The following ZP2 variants were observed in gnomAD, a reference collection of about 807,000 sequenced individuals.
ZP2 encodes the protein zona pellucida sperm-binding protein 2.
Under a neutral mutation model 84.0 loss-of-function variants are expected in ZP2, and 51 were observed. That is an observed-to-expected ratio of 0.61 (90% CI 0.49 to 0.77). ZP2 has a LOEUF of 0.77. Among genes scored for constraint, ZP2 ranks in the 30% least tolerant of loss-of-function variants. ZP2 has a pLI of 0.00. For synonymous variants in ZP2, 375 were observed against 330.9 expected (o/e 1.13, Z -1.45); for missense variants, 909 against 911.9 (o/e 1.00, Z 0.04).
chr16:21,198,743 T>C, intron 17 of ZP2, 36 bp downstream of exon 17: 1 of 1,594,220 alleles, frequency 6.3e-7, no homozygotes, highest in East Asian at 2.2e-5. Context: ...GCTAAGAACT[T>C]GAATCCAGGA....
At chr16:21,205,338 T>C (rs2093244456) in intron 7 of ZP2, 82 bp downstream of exon 7, 1 of 1,515,298 alleles carries the variant, frequency 6.6e-7, no homozygotes, top group Non-Finnish European at 9.0e-7. Flanking sequence ...TAAATTAATG[T>C]GAAGACATGG....
At chr16:21,203,792 A>G in intron 9 of ZP2, 1 of 568,858 alleles carries the variant, frequency 1.8e-6, no homozygotes, top group East Asian at 3.1e-5. Context: ...TTTAAGACTT[A>G]GAAAGACTTA....
At chr16:21,204,607 C>T (rs1036194849) in intron 7 of ZP2, among the ~76,000 whole-genome samples, 1 of 152,196 alleles carries the variant, frequency 6.6e-6, no homozygotes, top group South Asian at 2.1e-4. Flanking sequence ...AGAATGTTGT[C>T]TAGATCACCT....
intron 5 of ZP2, 65 bp downstream of exon 5, chr16:21,206,773 T>G: frequency 6.3e-7 from 1 of 1,599,016 alleles, no homozygotes; most frequent in Non-Finnish European, 8.6e-7. Context: ...CCGCCCTGGT[T>G]AGATCATCAT....
chr16:21,210,071 C>T (rs756580619), intron 3 of ZP2, 38 bp downstream of exon 3: 7 of 1,581,288 alleles, frequency 4.4e-6, no homozygotes, highest in Middle Eastern at 1.7e-4. Context: ...AGGCTGTCTG[C>T]TAATCAGGAC....
intron 17 of ZP2, 152 bp downstream of exon 17, chr16:21,198,627 T>C (rs1280099665): frequency 1.6e-6 from 1 of 630,780 alleles, no homozygotes; most frequent in Non-Finnish European, 2.7e-6. Context: ...ACAGGAGACT[T>C]AATAGAAGCC....
chr16:21,212,845 C>G (rs1370151937), upstream of ZP2, among the ~76,000 whole-genome samples: 2 of 152,140 alleles, frequency 1.3e-5, no homozygotes, highest in Admixed American at 1.3e-4. Flanking sequence ...TGTCAGGGAC[C>G]AGGTGGAGAA....
chr16:21,209,534 G>C, intron 4 of ZP2, 97 bp downstream of exon 4: 1 of 1,094,648 alleles, frequency 9.1e-7, no homozygotes, highest in Non-Finnish European at 1.4e-6. Flanking sequence ...GAGAGCCACT[G>C]CTTTACTCCA....
rs1467365971 is a variant in ZP2, at chr16:21,206,371, T to C, written c.483+467A>G. Among the ~76,000 whole-genome samples the C allele has an allele frequency of 2.0e-5, 3 of 152,248 alleles. No individual in the cohort carries two copies. In the East Asian group the frequency reaches 5.8e-4, roughly 29 times the overall value. On this transcript the variant is annotated intron_variant, in intron 5 of 18. Coordinates refer to ENST00000574091, the MANE Select transcript of ZP2 (RefSeq NM_001376232.1). ...AGGTACTATGTAAAAGCCATGCAGT[T>C]CTATCATTGTTATTGAGTTGCTTTT... is the stretch of plus-strand genomic sequence containing the variant.
intron 10 of ZP2, 56 bp from the exon 11 acceptor site, chr16:21,202,347 A>C: frequency 7.0e-7 from 1 of 1,426,952 alleles, no homozygotes; most frequent in Admixed American, 2.6e-5. Context: ...TGATACTGTC[A>C]TCTCCCAACC....
chr16:21,209,848 C>T (rs745614836), intron 3 of ZP2, 123 bp from the exon 4 acceptor site: 2 of 860,490 alleles, frequency 2.3e-6, no homozygotes, highest in East Asian at 2.5e-5. Flanking sequence ...TCCGCCCCAA[C>T]TCAGTGATAG....
In ZP2 at chr16:21,206,834, TCA is replaced by T. The variant is rs1433717141; in HGVS notation, c.483+2_483+3del. 2.5e-6 allele frequency: 4 copies of T among 1,613,982 alleles called. No homozygotes were observed. The highest frequency in any genetic ancestry group is 1.3e-5 in the African/African-American group (1 of 74,910). On this transcript the variant is annotated splice_donor_variant and splice_donor_region_variant and intron_variant, in intron 5 of 18. Coordinates refer to ENST00000574091, the MANE Select transcript of ZP2 (RefSeq NM_001376232.1). LOFTEE classifies it high-confidence loss of function. ...ACCCCGAGCAGTCAGCCCGTTTCAC[TCA>T]CAGACATGAAATCCTTCTGGCAGAT...
Position 21,210,210 on chromosome 16 carries a change from C to T in ZP2, c.152-18G>A. The T allele has an allele frequency of 6.2e-7, 1 of 1,607,176 alleles. No individual in the cohort carries two copies. The highest frequency in any genetic ancestry group is 1.1e-5 in the South Asian group (1 of 90,920). On this transcript the variant is annotated intron_variant, in intron 2 of 18. Transcript: ENST00000574091. Reference sequence around the variant, plus strand: ...GACAGTGCCTAAGGAGCAAAGGAAGCATTTGGGGGCTTTGAGTCATGAGTG... The same window carrying T: ...GACAGTGCCTAAGGAGCAAAGGAAGTATTTGGGGGCTTTGAGTCATGAGTG...
chr16:21,198,698 T>C (rs1260111494), intron 17 of ZP2, 81 bp downstream of exon 17: 2 of 1,143,538 alleles, frequency 1.7e-6, no homozygotes, highest in Admixed American at 1.8e-5. Context: ...CACGGGTACA[T>C]AGTATATGTA....
At chr16:21,198,019 T>C (rs2093207538) in intron 17 of ZP2, 170 bp from the exon 18 acceptor site, 1 of 620,164 alleles carries the variant, frequency 1.6e-6, no homozygotes, top group African/African-American at 1.8e-5. Context: ...CATGTTAAGA[T>C]GCACATGCTC....
rs958189944 is a variant in ZP2 at position 21,197,471 on chromosome 16, G to A, written c.*9C>T. ...AGGCTTATTTTGACTGCTTTATTTAGAAGCCCATTTAGTGATTTGACACAG... is the reference window on the plus strand; with the variant it reads ...AGGCTTATTTTGACTGCTTTATTTAAAAGCCCATTTAGTGATTTGACACAG... On this transcript the variant is annotated 3_prime_UTR_variant, in exon 19 of 19. Coordinates refer to ENST00000574091, the MANE Select transcript of ZP2 (RefSeq NM_001376232.1). 10 of 1,613,834 alleles carry A rather than the reference G, an allele frequency of 6.2e-6. No individual in the cohort carries two copies. In the African/African-American group the frequency reaches 1.2e-4, roughly 19 times the overall value.
chr16:21,212,200 T>G, upstream of ZP2, among the ~76,000 whole-genome samples: 1 of 152,232 alleles, frequency 6.6e-6, no homozygotes, highest in East Asian at 1.9e-4. Flanking sequence ...GTGCTGGGAT[T>G]ACAGGCGTGA....
chr16:21,198,009 C>A, intron 17 of ZP2, 160 bp from the exon 18 acceptor site: 1 of 638,208 alleles, frequency 1.6e-6, no homozygotes, highest in South Asian at 1.9e-5. Flanking sequence ...TTGGCCATAG[C>A]ATGTTAAGAT....
intron 10 of ZP2, 92 bp from the exon 11 acceptor site, chr16:21,202,383 A>G (rs550743223): frequency 3.6e-5 from 43 of 1,187,426 alleles, no homozygotes; most frequent in Admixed American, 1.9e-4. Flanking sequence ...GAGAAATTCT[A>G]ATTTAGCAGG....
Sources: gnomAD v4.1 joint callset for allele counts (sites outside exome capture counted in the v4.1 genomes callset) on GRCh38, gnomAD v4.1.1 for gene constraint, MANE v1.5 for transcripts, NCBI Gene and HGNC (gene_info 2026-07-23, HGNC 2026-07-21) for gene names.